CDH4: variants seen among roughly 807,000 people sequenced by gnomAD.
The protein encoded by CDH4 is cadherin 4.
A neutral mutation model predicts 86.0 loss-of-function variants in CDH4; 33 were observed. The observed-to-expected ratio is 0.38, with a 90% CI of 0.29 to 0.51. The LOEUF (loss-of-function observed/expected upper bound fraction) is 0.51, where lower values mean the gene tolerates loss of function less well. Ranked by LOEUF, CDH4 falls within the 20% of genes least tolerant of loss-of-function variation. The probability of loss-of-function intolerance (pLI) is 0.86; values close to 1 mark genes in which losing one functional copy is unlikely to be tolerated. For synonymous variants in CDH4, 555 were observed against 549.4 expected (o/e 1.01, Z -0.14); for missense variants, 1,114 against 1,307.4 (o/e 0.85, Z 2.28).
Position 61,357,486 on chromosome 20 carries a change from G to T in CDH4, c.169+102549G>T, listed in dbSNP as rs368012938. Reference sequence around the variant, plus strand: ...GCCCTTCATCTCTGTGAGGTCTCACGTGAGCTCTTCACTCTGATGGTGATG... The same window carrying T: ...GCCCTTCATCTCTGTGAGGTCTCACTTGAGCTCTTCACTCTGATGGTGATG... On this transcript the variant is annotated intron_variant, in intron 2 of 15. Coordinates refer to ENST00000614565, the MANE Select transcript of CDH4 (RefSeq NM_001794.5). Among the ~76,000 whole-genome samples, 22 of 152,262 alleles carry T rather than the reference G, an allele frequency of 1.4e-4. No individual in the cohort carries two copies. The East Asian group carries it at 4.1e-3, about 28-fold the overall frequency.
chr20:61,629,278 C>A (rs2086861607), intron 2 of CDH4, among the ~76,000 whole-genome samples: 2 of 152,200 alleles, frequency 1.3e-5, no homozygotes, highest in Admixed American at 1.3e-4. Context: ...CCAGCCGGAG[C>A]CCTCCAGGAA....
chr20:61,562,712 G>A (rs1459018900), intron 2 of CDH4, among the ~76,000 whole-genome samples: 1 of 152,254 alleles, frequency 6.6e-6, no homozygotes, highest in Non-Finnish European at 1.5e-5. Flanking sequence ...CTCCCACCTT[G>A]CCATGGGAAT....
chr20:61,257,233 C>G (rs1178593505), intron 2 of CDH4, among the ~76,000 whole-genome samples: 1 of 152,226 alleles, frequency 6.6e-6, no homozygotes, highest in Non-Finnish European at 1.5e-5. Context: ...TTCTCTTTGC[C>G]TGAGTCAGCT....
At chr20:61,367,165 G>T (rs531500884) in intron 2 of CDH4, among the ~76,000 whole-genome samples, 1 of 152,184 alleles carries the variant, frequency 6.6e-6, no homozygotes. Context: ...CACCAGAGCC[G>T]TCACTTCCCC....
chr20:61,622,826 A>G (rs533345158), intron 2 of CDH4, among the ~76,000 whole-genome samples: 95 of 152,238 alleles, frequency 6.2e-4, no homozygotes, highest in African/African-American at 2.2e-3. Flanking sequence ...ACGTTGCCCC[A>G]TCCCCTGGGG....
intron 6 of CDH4, among the ~76,000 whole-genome samples, chr20:61,855,971 C>T (rs1180674070): frequency 6.6e-6 from 1 of 152,204 alleles, no homozygotes; most frequent in Non-Finnish European, 1.5e-5. Context: ...GGAGGTGCCA[C>T]TGTCAAGCCC....
chr20:61,635,348 G>A (rs1453850245), intron 2 of CDH4, among the ~76,000 whole-genome samples: 1 of 152,178 alleles, frequency 6.6e-6, no homozygotes, highest in East Asian at 1.9e-4. Context: ...TTGTGAAATG[G>A]TGCTGGGGCT....
At chr20:61,884,392 G>A (rs904747763) in intron 7 of CDH4, among the ~76,000 whole-genome samples, 3 of 152,214 alleles carry the variant, frequency 2.0e-5, no homozygotes, top group African/African-American at 7.2e-5. Context: ...CCCTCATCCT[G>A]CAGGAGGCAA....
At chr20:61,488,649 G>A (rs982208899) in intron 2 of CDH4, among the ~76,000 whole-genome samples, 2 of 151,830 alleles carry the variant, frequency 1.3e-5, no homozygotes, top group Non-Finnish European at 2.9e-5. Context: ...GAGAGAGAGA[G>A]AAAAAAAATG....
intron 2 of CDH4, among the ~76,000 whole-genome samples, chr20:61,550,206 GCCTGTTTCCCTGGCCTCC>G (rs1165221570): frequency 7.4e-6 from 1 of 134,288 alleles, no homozygotes; most frequent in Non-Finnish European, 1.7e-5. Context: ...GGCCTCCCTA[GCCTGTTTCCCTGGCCTCC>G]CTGCCCCAAC....
chr20:61,377,590 G>A lies in CDH4; in HGVS notation c.169+122653G>A, dbSNP rs1408842596. ...TGCATGGTGCTTTTCTGTAGTCAAC[G>A]AGTCGCTTTAGCTTTCAAACAACTG... On this transcript the variant is annotated intron_variant, in intron 2 of 15. Transcript: ENST00000614565. The surrounding 1 kb of genome is among the most constrained non-coding windows in gnomAD (Gnocchi z 4.0). 4.6e-5 allele frequency among the ~76,000 whole-genome samples: 7 copies of A among 152,172 alleles called. No individual in the cohort carries two copies. The highest frequency in any genetic ancestry group is 1.7e-4 in the African/African-American group (7 of 41,440).
intron 8 of CDH4, among the ~76,000 whole-genome samples, chr20:61,908,850 C>T (rs911416610): frequency 6.6e-6 from 1 of 152,196 alleles, no homozygotes; most frequent in African/African-American, 2.4e-5. Flanking sequence ...TCCCAACGGG[C>T]CCAGCCACCT....
intron 2 of CDH4, among the ~76,000 whole-genome samples, chr20:61,410,855 G>A (rs375755246): frequency 1.3e-4 from 19 of 141,774 alleles, no homozygotes; most frequent in African/African-American, 4.3e-4. Flanking sequence ...CCATCCGTCC[G>A]TCCGTCCATC....
At position 61,514,828 on chromosome 20, in the gene CDH4, T is replaced by C. The variant is rs1268734524; in HGVS notation, c.170-228735T>C. 2.6e-5 allele frequency among the ~76,000 whole-genome samples: 4 copies of C among 152,220 alleles called. 1 individual carries two copies. The highest frequency in any genetic ancestry group is 2.6e-4 in the Admixed American group (4 of 15,290). On this transcript the variant is annotated intron_variant, in intron 2 of 15. Transcript: ENST00000614565. The stretch of plus-strand genomic sequence containing the variant: ...TGTCTCAAGAACAGCTCTGGAATTG[T>C]GGGCAGGAGGATTTAGAAGGTCATC...
At chr20:61,482,673 G>A (rs2085574554) in intron 2 of CDH4, among the ~76,000 whole-genome samples, 1 of 152,178 alleles carries the variant, frequency 6.6e-6, no homozygotes, top group Non-Finnish European at 1.5e-5. Flanking sequence ...CATGTGGTTG[G>A]ATGCTCCTGG....
chr20:61,362,174 A>G lies in CDH4; in HGVS notation c.169+107237A>G, dbSNP rs1410696807. 2.6e-5 allele frequency among the ~76,000 whole-genome samples: 4 copies of G among 152,158 alleles called. No homozygotes were observed. The East Asian group carries it at 7.7e-4, about 29-fold the overall frequency. On this transcript the variant is annotated intron_variant, in intron 2 of 15. Transcript: ENST00000614565. ...GGAAGGCAATGATGAGGAAGAAGAA[A>G]GGTCCAGGTGGGGGCACAGCAAGTG...
At chr20:61,629,629 G>T (rs1428544066) in intron 2 of CDH4, among the ~76,000 whole-genome samples, 1 of 152,198 alleles carries the variant, frequency 6.6e-6, no homozygotes, top group Non-Finnish European at 1.5e-5. Flanking sequence ...TGTTAGTAAT[G>T]ATCACTTAAG....
In CDH4 at chr20:61,558,869, G is replaced by C. The variant is rs770069981; in HGVS notation, c.170-184694G>C. Among the ~76,000 whole-genome samples the C allele has an allele frequency of 1.3e-4, 20 of 152,218 alleles. 1 individual carries two copies. Among genetic ancestry groups the C allele is most frequent in the South Asian group, 4.1e-4 (2 of 4,838 alleles). On this transcript the variant is annotated intron_variant, in intron 2 of 15. Coordinates refer to ENST00000614565, the MANE Select transcript of CDH4 (RefSeq NM_001794.5). ...GCCAGCATGCCGTGGTCCCCGTGGC[G>C]AGCACCGTGGGGCCGCTGGATGGCT...
chr20:61,331,327 G>A (rs956128354), intron 2 of CDH4, among the ~76,000 whole-genome samples: 6 of 152,038 alleles, frequency 3.9e-5, no homozygotes, highest in Non-Finnish European at 8.8e-5. Flanking sequence ...AGGAGACTGT[G>A]AAAAGCATGA....
Sources: gnomAD v4.1 joint callset for allele counts (sites outside exome capture counted in the v4.1 genomes callset) on GRCh38, gnomAD v4.1.1 for gene constraint, Gnocchi (gnomAD v3.1) non-coding constraint, MANE v1.5 for transcripts, NCBI Gene and HGNC (gene_info 2026-07-23, HGNC 2026-07-21) for gene names.